Variants in CCSER1 observed in about 807,000 individuals in gnomAD.
The protein encoded by CCSER1 is serine-rich coiled-coil domain-containing protein 1.
In CCSER1, 41 loss-of-function variants were observed where a neutral mutation model predicts 82.0. The observed-to-expected ratio is 0.50, with a 90% CI of 0.39 to 0.65. CCSER1 has a LOEUF of 0.65. Ranked by LOEUF, CCSER1 falls within the 30% of genes least tolerant of loss-of-function variation. CCSER1 has a pLI of 0.00. For missense variants in CCSER1, 1,119 were observed against 1,064.2 expected, an observed-to-expected ratio of 1.05 and a Z score of -0.72; for synonymous variants, 414 against 383.9, an observed-to-expected ratio of 1.08 and a Z score of -0.92.
chr4:90,966,704 AT>A (rs1210321019), intron 9 of CCSER1, among the ~76,000 whole-genome samples: 16 of 152,154 alleles, frequency 1.1e-4, no homozygotes, highest in Non-Finnish European at 1.8e-4. Flanking sequence ...TTATACATTT[AT>A]TTTTATTTAT....
intron 7 of CCSER1, among the ~76,000 whole-genome samples, chr4:90,729,870 C>T (rs1338027670): frequency 2.0e-5 from 3 of 151,970 alleles, no homozygotes; most frequent in South Asian, 2.1e-4. Context: ...ACCGAGACTC[C>T]ATCTCAAAAA....
At chr4:90,480,401 T>C (rs1320755151) in intron 5 of CCSER1, among the ~76,000 whole-genome samples, 1 of 152,222 alleles carries the variant, frequency 6.6e-6, no homozygotes, top group Admixed American at 6.5e-5. Context: ...ATTTGTCACT[T>C]TTGGCTTTTG....
chr4:91,276,347 C>T (rs1354379029), intron 10 of CCSER1, among the ~76,000 whole-genome samples: 4 of 103,656 alleles, frequency 3.9e-5, no homozygotes, highest in African/African-American at 1.1e-4. Context: ...TTGTAGTTTT[C>T]CTTGAGTAGG....
chr4:91,280,651 G>A (rs1348082544), intron 10 of CCSER1, among the ~76,000 whole-genome samples: 1 of 152,172 alleles, frequency 6.6e-6, no homozygotes, highest in Non-Finnish European at 1.5e-5. Context: ...ACATAAACAA[G>A]TGGTTTAGGA....
intron 10 of CCSER1, among the ~76,000 whole-genome samples, chr4:91,564,561 T>C (rs551223713): frequency 6.6e-6 from 1 of 152,178 alleles, no homozygotes; most frequent in South Asian, 2.1e-4. Context: ...ATCTGTTCTT[T>C]CTTGACTTTT....
chr4:90,443,194 T>A (rs1034229638), intron 4 of CCSER1, among the ~76,000 whole-genome samples: 1 of 152,136 alleles, frequency 6.6e-6, no homozygotes, highest in Non-Finnish European at 1.5e-5. Flanking sequence ...AGCATATGAT[T>A]TTTTTTGTTT....
chr4:90,308,886 T>C lies in CCSER1; in HGVS notation c.602T>C (p.Ile201Thr). The C allele has an allele frequency of 6.2e-7, 1 of 1,613,876 alleles. No individual in the cohort carries two copies. The highest frequency in any genetic ancestry group is 1.6e-4 in the Middle Eastern group (1 of 6,062). Residue 201 changes from isoleucine to threonine, a missense_variant, in exon 2 of 11, where the codon ATT becomes ACT. By Grantham distance (89) the Ile-to-Thr change is moderately conservative. Coordinates refer to ENST00000509176, the MANE Select transcript of CCSER1 (RefSeq NM_001145065.2). ...AAGCCAGTTCTACAGAGCCAATCCA[T>C]TTCATTGGTACAACAGTCTGAATTC... is the stretch of plus-strand genomic sequence containing the variant. ...FSKPVLQSQS[I>T]SLVQQSEFSL... is the part of the protein sequence containing the mutation.
At chr4:91,349,301 G>T (rs1487827418) in intron 10 of CCSER1, among the ~76,000 whole-genome samples, 1 of 152,108 alleles carries the variant, frequency 6.6e-6, no homozygotes, top group African/African-American at 2.4e-5. Flanking sequence ...GGTGTCAGAG[G>T]TTAAATTTTT....
intron 4 of CCSER1, among the ~76,000 whole-genome samples, chr4:90,415,986 T>C (rs1417254696): frequency 1.3e-5 from 2 of 152,122 alleles, no homozygotes; most frequent in African/African-American, 2.4e-5. Flanking sequence ...GAGATCTCAG[T>C]TGATGGGAGT....
intron 2 of CCSER1, among the ~76,000 whole-genome samples, chr4:90,310,890 C>T (rs1390134840): frequency 6.6e-6 from 1 of 152,034 alleles, no homozygotes; most frequent in Non-Finnish European, 1.5e-5. Context: ...ATACTTTTCT[C>T]ATTTGATACA....
At chr4:91,444,448 A>C (rs1373328269) in intron 10 of CCSER1, among the ~76,000 whole-genome samples, 1 of 86,500 alleles carries the variant, frequency 1.2e-5, no homozygotes, top group Non-Finnish European at 2.3e-5. Flanking sequence ...TTAAAGTGCC[A>C]ATTCTTTTGC....
chr4:91,599,082 G>C lies in CCSER1; in HGVS notation c.*25G>C. The C allele has an allele frequency of 6.6e-7, 1 of 1,505,044 alleles. No homozygotes were observed. The highest frequency in any genetic ancestry group is 2.5e-5 in the East Asian group (1 of 40,350). The allele number at this position is 1,505,044 out of a possible 1,614,324, so 93.2% of individuals were successfully genotyped here. On this transcript the variant is annotated 3_prime_UTR_variant, in exon 11 of 11. Transcript: ENST00000509176. ...ATTAAATCACCGTATTCCTGTCTTT[G>C]GGTAGGATAAAGATGGTTAGTGTTT...
chr4:91,519,946 G>GT (rs915383864), intron 10 of CCSER1, among the ~76,000 whole-genome samples: 2 of 151,990 alleles, frequency 1.3e-5, no homozygotes, highest in African/African-American at 4.8e-5. Flanking sequence ...CCCCCAATTT[G>GT]TTTTTTTAGA....
intron 1 of CCSER1, among the ~76,000 whole-genome samples, chr4:90,153,025 T>G (rs1727191443): frequency 7.9e-6 from 1 of 125,846 alleles, no homozygotes. Context: ...CCTAATGCTA[T>G]CCCTCCCCCC....
chr4:91,496,699 T>TATATATTGA (rs1361582884), intron 10 of CCSER1, among the ~76,000 whole-genome samples: 763 of 37,112 alleles, frequency 0.021, 210 homozygotes, highest in Non-Finnish European at 0.038. Context: ...ATATATTCAA[T>TATATATTGA]ATATATATAT....
At chr4:90,689,998 A>G (rs1222731554) in intron 6 of CCSER1, among the ~76,000 whole-genome samples, 1 of 152,090 alleles carries the variant, frequency 6.6e-6, no homozygotes, top group Non-Finnish European at 1.5e-5. Flanking sequence ...CTAAAGGTGT[A>G]AGCCTTTCAA....
chr4:90,415,785 G>A (rs11942690), intron 4 of CCSER1, among the ~76,000 whole-genome samples: 2,709 of 152,236 alleles, frequency 0.018, 49 homozygotes, highest in African/African-American at 0.036. Flanking sequence ...GAAGCTGATG[G>A]GAAATATGCA....
rs115330154 is a variant in CCSER1 at position 91,139,198 on chromosome 4, G to A, written c.2217+53204G>A. Among the ~76,000 whole-genome samples the A allele has an allele frequency of 8.5e-3, 1,301 of 152,208 alleles. 14 individuals carry two copies. Among genetic ancestry groups the A allele is most frequent in the African/African-American group, 0.03 (1,236 of 41,528 alleles). On this transcript the variant is annotated intron_variant, in intron 10 of 10. Transcript: ENST00000509176. ...GAATTCCTGCTGAATCCATGTTGCT[G>A]TAAGGTACATGATGTTTTCATTCTT...
At chr4:90,835,726 C>T (rs2149841421) in intron 8 of CCSER1, among the ~76,000 whole-genome samples, 1 of 152,252 alleles carries the variant, frequency 6.6e-6, no homozygotes, top group African/African-American at 2.4e-5. Context: ...TGAATTTTCC[C>T]AGAGAGGTAT....
Sources: allele counts gnomAD v4.1 joint callset (sites outside exome capture counted in the v4.1 genomes callset), GRCh38; gene constraint gnomAD v4.1.1; transcripts MANE v1.5; gene names NCBI Gene and HGNC (gene_info 2026-07-23, HGNC 2026-07-21).